The following RPA3 variants were observed in gnomAD, a reference collection of about 807,000 sequenced individuals.
The protein encoded by RPA3 is replication protein A3.
In RPA3, 24 loss-of-function variants were observed where a neutral mutation model predicts 13.7. That is an observed-to-expected ratio of 1.75 (90% CI 1.27 to 2.46). RPA3 has a LOEUF of 2.46. Among genes scored for constraint, RPA3 ranks in the 30% most tolerant of loss-of-function variants. RPA3 has a pLI of 0.00. For synonymous variants in RPA3, 59 were observed against 51.2 expected, an observed-to-expected ratio of 1.15 and a Z score of -0.65; for missense variants, 183 against 151.0, an observed-to-expected ratio of 1.21 and a Z score of -1.11.
chr7:7,647,007 G>A (rs917324947), intron 4 of RPA3, among the ~76,000 whole-genome samples: 4 of 152,272 alleles, frequency 2.6e-5, no homozygotes, highest in Admixed American at 6.5e-5. Context: ...CCGCTTGTCC[G>A]TATCAGTTAC....
chr7:7,690,113 G>C (rs1250669407), intron 2 of RPA3, among the ~76,000 whole-genome samples: 7 of 152,094 alleles, frequency 4.6e-5, no homozygotes. Flanking sequence ...ACTGATATTA[G>C]GCAGGGATTC....
chr7:7,677,489 G>C (rs1254091362), intron 4 of RPA3, among the ~76,000 whole-genome samples: 1 of 151,882 alleles, frequency 6.6e-6, no homozygotes, highest in East Asian at 1.9e-4. Flanking sequence ...TCCCTCATAT[G>C]AGTGAGAAAA....
Position 7,673,373 on chromosome 7 carries a change from T to G in RPA3, c.-758+12457A>C, listed in dbSNP as rs769931112. The stretch of plus-strand genomic sequence containing the variant: ...GCAGCAGCAGCAGCAGCAGCAGCAA[T>G]GTTTCACTTCTTCAGAAAGCCTCCG... On this transcript the variant is annotated intron_variant, in intron 4 of 7. Transcript: ENST00000223129. The G allele has an allele frequency of 1.5e-5, 17 of 1,147,466 alleles. No individual in the cohort carries two copies. In the African/African-American group the frequency reaches 2.3e-4, roughly 15 times the overall value. 71.1% of individuals were successfully genotyped at this position (1,147,466 alleles called of 1,614,324 possible). A position where few individuals can be genotyped will look rare whatever the true frequency, so the allele number is the denominator to read the frequency against.
chr7:7,683,341 C>T (rs1215011388), intron 4 of RPA3, among the ~76,000 whole-genome samples: 2 of 152,094 alleles, frequency 1.3e-5, no homozygotes, highest in Non-Finnish European at 2.9e-5. Flanking sequence ...GATTTTTTCC[C>T]CCCAGAGTTC....
chr7:7,640,125 T>C (rs982944520), intron 5 of RPA3, 195 bp downstream of exon 5: 4 of 608,182 alleles, frequency 6.6e-6, no homozygotes, highest in Non-Finnish European at 1.2e-5. Context: ...GAAAACACTT[T>C]GTTTCCGTGC....
At chr7:7,640,218 C>T in intron 5 of RPA3, 102 bp downstream of exon 5, 1 of 1,210,042 alleles carries the variant, frequency 8.3e-7, no homozygotes, top group South Asian at 1.2e-5. Context: ...GTCGGGGGCG[C>T]AGTGATCGGA....
intron 4 of RPA3, among the ~76,000 whole-genome samples, chr7:7,663,298 C>G (rs9648615): frequency 0.059 from 8,882 of 151,518 alleles, 340 homozygotes; most frequent in Middle Eastern, 0.14. Flanking sequence ...CTTTGTTTTT[C>G]TTTCATTTTT....
At chr7:7,651,969 C>G (rs996482203) in intron 4 of RPA3, among the ~76,000 whole-genome samples, 13 of 152,146 alleles carry the variant, frequency 8.5e-5, no homozygotes, top group Non-Finnish European at 1.9e-4. Context: ...TCCCTCTCTC[C>G]CCTTGCAAGA....
chr7:7,648,640 C>G (rs113991897), intron 4 of RPA3, among the ~76,000 whole-genome samples: 2,596 of 151,994 alleles, frequency 0.017, 46 homozygotes, highest in East Asian at 0.035. Flanking sequence ...CCCTTGAATT[C>G]AGGAGTTCGA....
At chr7:7,678,175 T>C (rs1429411745) in intron 4 of RPA3, among the ~76,000 whole-genome samples, 1 of 151,940 alleles carries the variant, frequency 6.6e-6, no homozygotes, top group East Asian at 1.9e-4. Flanking sequence ...CTGGTCTTCA[T>C]ACTGGCTGTA....
intron 4 of RPA3, among the ~76,000 whole-genome samples, chr7:7,683,340 C>T (rs899016180): frequency 2.0e-5 from 3 of 152,030 alleles, no homozygotes; most frequent in African/African-American, 7.3e-5. Context: ...TGATTTTTTC[C>T]CCCCAGAGTT....
chr7:7,652,082 G>A lies in RPA3; in HGVS notation c.-757-10907C>T, dbSNP rs144101629. Among the ~76,000 whole-genome samples, 155 of 152,268 alleles carry A rather than the reference G, an allele frequency of 1.0e-3. 1 individual carries two copies. The highest frequency in any genetic ancestry group is 2.6e-3 in the Admixed American group (39 of 15,288). Reference sequence around the variant, plus strand: ...AGACTTTGGGGTCTCCATGCAGTGGGATGTCTGGCAGTCTTTTTTTCTGGT... The same window carrying A: ...AGACTTTGGGGTCTCCATGCAGTGGAATGTCTGGCAGTCTTTTTTTCTGGT... On this transcript the variant is annotated intron_variant, in intron 4 of 7. Transcript: ENST00000223129.
intron 2 of RPA3, among the ~76,000 whole-genome samples, chr7:7,701,899 A>G (rs1780472959): frequency 6.6e-6 from 1 of 151,950 alleles, no homozygotes; most frequent in African/African-American, 2.4e-5. Context: ...CACTGCAACC[A>G]TTTCTGCCAT....
chr7:7,658,447 T>G (rs1179051177), intron 4 of RPA3, among the ~76,000 whole-genome samples: 1 of 152,232 alleles, frequency 6.6e-6, no homozygotes, highest in African/African-American at 2.4e-5. Flanking sequence ...GGCTGTGGGT[T>G]TGTCATAAAT....
Position 7,636,791 on chromosome 7 carries a change from T to A in RPA3, c.*209A>T, listed in dbSNP as rs773286963. ...AACTGCTTTATTCTTGCATCTAATC[T>A]GACCATATATTGGAGTAGCAATTCT... On this transcript the variant is annotated 3_prime_UTR_variant, in exon 8 of 8. Coordinates refer to ENST00000223129, the MANE Select transcript of RPA3 (RefSeq NM_002947.5). 2 of 503,588 alleles carry A rather than the reference T, an allele frequency of 4.0e-6. No homozygotes were observed. The highest frequency in any genetic ancestry group is 6.9e-6 in the Non-Finnish European group (2 of 288,152). 31.2% of individuals were successfully genotyped at this position (503,588 alleles called of 1,614,324 possible).
intron 2 of RPA3, among the ~76,000 whole-genome samples, chr7:7,714,857 T>TC (rs1342429947): frequency 5.0e-4 from 75 of 149,934 alleles, no homozygotes; most frequent in African/African-American, 1.7e-3. Flanking sequence ...ATTTTTCTTT[T>TC]TTTTTTTTTT....
chr7:7,704,801 T>C (rs2115160572), intron 2 of RPA3, among the ~76,000 whole-genome samples: 1 of 146,294 alleles, frequency 6.8e-6, no homozygotes, highest in African/African-American at 2.5e-5. Context: ...AAAGACTTGC[T>C]TCTGTACTTA....
chr7:7,658,729 A>G (rs982350048), intron 4 of RPA3, among the ~76,000 whole-genome samples: 1 of 152,004 alleles, frequency 6.6e-6, no homozygotes, highest in Admixed American at 6.6e-5. Flanking sequence ...CTTATTGAGT[A>G]TTTTTGCATC....
At chr7:7,685,641 A>AT (rs1780027059) in intron 4 of RPA3, among the ~76,000 whole-genome samples, 189 bp downstream of exon 4, 1 of 152,194 alleles carries the variant, frequency 6.6e-6, no homozygotes, top group African/African-American at 2.4e-5. Context: ...TTTCTAAAAA[A>AT]TTTAAGTGTT....
Sources: allele counts gnomAD v4.1 joint callset (sites outside exome capture counted in the v4.1 genomes callset), GRCh38; gene constraint gnomAD v4.1.1; transcripts MANE v1.5; gene names NCBI Gene and HGNC (gene_info 2026-07-23, HGNC 2026-07-21).